Variants in DUS2 observed in about 807,000 individuals in gnomAD.
DUS2 encodes dihydrouridine synthase 2.
In DUS2, 52 loss-of-function variants were observed where a neutral mutation model predicts 71.3. The observed-to-expected ratio is 0.73, with a 90% CI of 0.58 to 0.92. The LOEUF (loss-of-function observed/expected upper bound fraction) is 0.92, where lower values mean the gene tolerates loss of function less well. Among genes scored for constraint, DUS2 ranks in the 40% least tolerant of loss-of-function variants. The pLI, the probability that DUS2 is intolerant of heterozygous loss-of-function variation, is 0.00. For missense variants in DUS2, 558 were observed against 622.6 expected, an observed-to-expected ratio of 0.90 and a Z score of 1.10; for synonymous variants, 204 against 227.8, an observed-to-expected ratio of 0.90 and a Z score of 0.94.
intron 8 of DUS2, 39 bp from the exon 9 acceptor site, chr16:68,066,278 C>A: frequency 1.3e-6 from 2 of 1,597,410 alleles, no homozygotes; most frequent in South Asian, 1.1e-5. Flanking sequence ...ATGGTTTGTT[C>A]CAGAAGACAT....
Position 68,038,131 on chromosome 16 carries a change from G to T in DUS2, c.108G>T (p.Ala36=), listed in dbSNP as rs192210401. ...GGCTGCTGGCCCTGGATTATGGAGCGGACATTGTTTACTGTGAGGTAAGGG... is the reference window on the plus strand; with the variant it reads ...GGCTGCTGGCCCTGGATTATGGAGCTGACATTGTTTACTGTGAGGTAAGGG... ...PMRLLALDYG[A]DIVYCEELID... Residue 36 remains alanine (A), a synonymous_variant, in exon 3 of 17, where the codon GCG becomes GCT. Coordinates refer to ENST00000565263, the MANE Select transcript of DUS2 (RefSeq NM_017803.5). The T allele has an allele frequency of 7.4e-6, 12 of 1,613,790 alleles. No homozygotes were observed. The Admixed American group carries it at 1.8e-4, about 25-fold the overall frequency.
In DUS2 at chr16:68,053,602, C is replaced by G; in HGVS notation, c.211C>G (p.Arg71Gly). ...STVDFVAPDD[R>G]VVFRTCEREQ... is the part of the protein sequence containing the mutation. ...AGTGGACTTTGTCGCCCCTGATGAT[C>G]GAGTTGTCTTCCGCACCTGTGAAAG... The change falls in exon 5 of 17, where the codon CGA becomes GGA. Residue 71 changes from arginine (R) to glycine (G), a missense_variant. Coordinates refer to ENST00000565263, the MANE Select transcript of DUS2 (RefSeq NM_017803.5). The G allele has an allele frequency of 6.2e-7, 1 of 1,614,190 alleles. No individual in the cohort carries two copies. The highest frequency in any genetic ancestry group is 8.5e-7 in the Non-Finnish European group (1 of 1,180,032).
At chr16:68,023,470 A>C (rs1006547812) in intron 1 of DUS2, 119 bp downstream of exon 1, 1 of 501,726 alleles carries the variant, frequency 2.0e-6, no homozygotes, top group African/African-American at 2.0e-5. Flanking sequence ...CCTTGACCCA[A>C]TGGACCATGA....
At chr16:68,024,616 C>T (rs2033316568) in intron 1 of DUS2, among the ~76,000 whole-genome samples, 1 of 152,172 alleles carries the variant, frequency 6.6e-6, no homozygotes, top group South Asian at 2.1e-4. Context: ...TTTAAGTACA[C>T]TCTACCCTTG....
intron 7 of DUS2, among the ~76,000 whole-genome samples, chr16:68,058,994 C>T (rs1162094776): frequency 6.6e-6 from 1 of 152,120 alleles, no homozygotes; most frequent in Non-Finnish European, 1.5e-5. Flanking sequence ...GGCAGATCAC[C>T]TGAGGTCAGG....
At chr16:68,057,588 A>G (rs993430742) in intron 7 of DUS2, among the ~76,000 whole-genome samples, 2 of 147,908 alleles carry the variant, frequency 1.4e-5, no homozygotes, top group Non-Finnish European at 3.0e-5. Flanking sequence ...TCAAAAGTTT[A>G]AAAAAAAAAG....
Position 68,075,349 on chromosome 16 carries a change from C to T in DUS2, c.933-6C>T. 1.3e-6 allele frequency: 2 copies of T among 1,599,532 alleles called. No individual in the cohort carries two copies. The highest frequency in any genetic ancestry group is 1.7e-6 in the Non-Finnish European group (2 of 1,172,344). On this transcript the variant is annotated splice_polypyrimidine_tract_variant and splice_region_variant and intron_variant, in intron 13 of 16. Transcript: ENST00000565263. Reference sequence around the variant, plus strand: ...TGTTTGCTCTGATCTGCTTCTTCCTCCCTAGTGAGGCCTTTGGCCTTGGTG... The same window carrying T: ...TGTTTGCTCTGATCTGCTTCTTCCTTCCTAGTGAGGCCTTTGGCCTTGGTG...
chr16:68,056,837 T>C (rs2033859741), intron 7 of DUS2, among the ~76,000 whole-genome samples: 1 of 145,648 alleles, frequency 6.9e-6, no homozygotes, highest in Non-Finnish European at 1.5e-5. Flanking sequence ...TATAATGTTA[T>C]ATATTATATA....
intron 3 of DUS2, among the ~76,000 whole-genome samples, chr16:68,039,001 C>A (rs1019007701): frequency 4.0e-5 from 6 of 151,748 alleles, no homozygotes; most frequent in African/African-American, 1.5e-4. Flanking sequence ...GAGTTCGAGA[C>A]CAGCCTGGGC....
chr16:68,047,097 C>T (rs997778761), intron 3 of DUS2, among the ~76,000 whole-genome samples: 1 of 128,662 alleles, frequency 7.8e-6, no homozygotes, highest in African/African-American at 3.1e-5. Context: ...TACTCTGTTG[C>T]CAGGCTGGAG....
intron 1 of DUS2, among the ~76,000 whole-genome samples, chr16:68,024,765 G>A (rs1278191856): frequency 6.6e-6 from 1 of 151,846 alleles, no homozygotes; most frequent in African/African-American, 2.4e-5. Flanking sequence ...ATTGGATAGG[G>A]TAGTGGTTCT....
chr16:68,035,093 A>G lies in DUS2; in HGVS notation c.-18-2913A>G, dbSNP rs58725208. On this transcript the variant is annotated intron_variant, in intron 2 of 16. Transcript: ENST00000565263. The stretch of plus-strand genomic sequence containing the variant: ...TTTTCCTCCTGTTGGCTCTCCCTTC[A>G]GAGTATTTCTAGAATGTGACCACTT... 6.3e-3 allele frequency among the ~76,000 whole-genome samples: 962 copies of G among 152,168 alleles called. 11 individuals carry two copies. The highest frequency in any genetic ancestry group is 0.022 in the African/African-American group (919 of 41,514).
chr16:68,074,214 G>A, intron 13 of DUS2, 59 bp downstream of exon 13: 1 of 1,605,438 alleles, frequency 6.2e-7, no homozygotes, highest in East Asian at 2.2e-5. Context: ...GTTTGACTTT[G>A]AGCCCTAAGC....
intron 2 of DUS2, among the ~76,000 whole-genome samples, chr16:68,026,693 G>A (rs1275303280): frequency 1.3e-5 from 2 of 151,950 alleles, no homozygotes; most frequent in Non-Finnish European, 2.9e-5. Flanking sequence ...TCTGGCAAAC[G>A]TGGTGAAACC....
intron 10 of DUS2, among the ~76,000 whole-genome samples, chr16:68,068,309 G>T (rs1278088335): frequency 1.3e-5 from 2 of 152,186 alleles, no homozygotes; most frequent in Non-Finnish European, 2.9e-5. Context: ...AAGCAGAGTT[G>T]CTTGGGTTGA....
At chr16:68,051,069 T>C (rs1465712125) in intron 4 of DUS2, among the ~76,000 whole-genome samples, 3 of 152,172 alleles carry the variant, frequency 2.0e-5, no homozygotes, top group African/African-American at 7.2e-5. Context: ...GCATCAAAGA[T>C]CTCATTTATT....
At chr16:68,050,600 G>A (rs1480513427) in intron 4 of DUS2, among the ~76,000 whole-genome samples, 2 of 152,056 alleles carry the variant, frequency 1.3e-5, no homozygotes, top group African/African-American at 2.4e-5. Context: ...TAATGTGTGT[G>A]TACAAAATAT....
intron 2 of DUS2, among the ~76,000 whole-genome samples, chr16:68,033,633 AATTTTTT>A (rs1180436201): frequency 7.2e-6 from 1 of 139,204 alleles, no homozygotes; most frequent in African/African-American, 2.6e-5. Flanking sequence ...TACAGGTGCT[AATTTTTT>A]TTTTTTTTTT....
At chr16:68,071,998 C>T (rs1026518134) in intron 12 of DUS2, among the ~76,000 whole-genome samples, 2 of 152,236 alleles carry the variant, frequency 1.3e-5, no homozygotes, top group Non-Finnish European at 2.9e-5. Context: ...TGATCAGCTG[C>T]ACATGTCTGC....
Sources: gnomAD v4.1 joint callset for allele counts (sites outside exome capture counted in the v4.1 genomes callset) on GRCh38, gnomAD v4.1.1 for gene constraint, MANE v1.5 for transcripts, NCBI Gene and HGNC (gene_info 2026-07-23, HGNC 2026-07-21) for gene names.